Variants in HS2ST1 observed in about 807,000 individuals in gnomAD.
HS2ST1 encodes heparan sulfate 2-O-sulfotransferase 1.
A neutral mutation model predicts 42.9 loss-of-function variants in HS2ST1; 18 were observed. That is an observed-to-expected ratio of 0.42 (90% CI 0.29 to 0.62). The LOEUF (loss-of-function observed/expected upper bound fraction) is 0.62, where lower values mean the gene tolerates loss of function less well. Among genes scored for constraint, HS2ST1 ranks in the 20% least tolerant of loss-of-function variants. The pLI is 0.21. For synonymous variants in HS2ST1, 146 were observed against 152.9 expected, an observed-to-expected ratio of 0.95 and a Z score of 0.33; for missense variants, 334 against 433.8, an observed-to-expected ratio of 0.77 and a Z score of 2.04.
intron 1 of HS2ST1, among the ~76,000 whole-genome samples, chr1:86,961,653 T>G (rs953456870): frequency 2.0e-5 from 3 of 152,196 alleles, no homozygotes; most frequent in African/African-American, 7.2e-5. Context: ...TGTACTTTTC[T>G]GTGTTATTTA....
At chr1:86,956,045 T>G (rs1275406081) in intron 1 of HS2ST1, among the ~76,000 whole-genome samples, 1 of 152,202 alleles carries the variant, frequency 6.6e-6, no homozygotes, top group Admixed American at 6.5e-5. Context: ...GTAAATAAAA[T>G]AGCTAAATAG....
At chr1:86,961,058 A>G (rs989018720) in intron 1 of HS2ST1, among the ~76,000 whole-genome samples, 4 of 152,138 alleles carry the variant, frequency 2.6e-5, no homozygotes, top group Admixed American at 2.0e-4. Context: ...AAACTGTGGT[A>G]CATCCAGACG....
intron 1 of HS2ST1, among the ~76,000 whole-genome samples, chr1:87,063,752 C>T (rs542122685): frequency 1.6e-4 from 25 of 152,168 alleles, no homozygotes; most frequent in Non-Finnish European, 2.2e-4. Flanking sequence ...TTTATCGTGG[C>T]TGCTTTAAGT....
intron 1 of HS2ST1, among the ~76,000 whole-genome samples, chr1:87,058,466 T>C (rs1204292269): frequency 6.6e-6 from 1 of 151,690 alleles, no homozygotes; most frequent in African/African-American, 2.4e-5. Context: ...TTTTTTAAGT[T>C]TTTTATGTGG....
At position 86,914,762 on chromosome 1, in the gene HS2ST1, G is replaced by C. The variant is rs1296964134; in HGVS notation, c.-275G>C. 2 of 485,048 alleles carry C rather than the reference G, an allele frequency of 4.1e-6. No individual in the cohort carries two copies. Among genetic ancestry groups the C allele is most frequent in the South Asian group, 4.5e-5 (2 of 44,834 alleles). The allele number at this position is 485,048 out of a possible 1,614,324, so 30.0% of individuals were successfully genotyped here. The stretch of plus-strand genomic sequence containing the variant: ...ACTGAGGCAGTAGAGGGAGGCGAGA[G>C]CCCGGCAGCCGCTTCGCGCTGTTTG... On this transcript the variant is annotated 5_prime_UTR_variant, in exon 1 of 7. Transcript: ENST00000370550.
intron 1 of HS2ST1, among the ~76,000 whole-genome samples, chr1:86,927,836 G>T (rs1264413395): frequency 6.6e-6 from 1 of 152,122 alleles, no homozygotes; most frequent in African/African-American, 2.4e-5. Flanking sequence ...ATAAGCTTCT[G>T]CTATGTAGTC....
chr1:87,059,314 A>G (rs190287531), intron 1 of HS2ST1, among the ~76,000 whole-genome samples: 2 of 152,336 alleles, frequency 1.3e-5, no homozygotes, highest in African/African-American at 4.8e-5. Context: ...CTTGAAAGCC[A>G]GCTCTGTCCT....
At chr1:86,919,084 G>T (rs994179396) in intron 1 of HS2ST1, among the ~76,000 whole-genome samples, 1 of 151,636 alleles carries the variant, frequency 6.6e-6, no homozygotes, top group African/African-American at 2.4e-5. Context: ...AGCGGGGATT[G>T]CAGGTACGTG....
chr1:87,041,208 C>T (rs1051739665), intron 1 of HS2ST1, among the ~76,000 whole-genome samples: 2 of 110,230 alleles, frequency 1.8e-5, no homozygotes, highest in Admixed American at 2.3e-4. Flanking sequence ...GGAAAAATAG[C>T]GAGACCTTGT....
chr1:87,055,115 C>T (rs1650927607), intron 1 of HS2ST1, among the ~76,000 whole-genome samples: 1 of 152,124 alleles, frequency 6.6e-6, no homozygotes, highest in South Asian at 2.1e-4. Flanking sequence ...CCATTGTGCC[C>T]TCCCCATCCT....
At chr1:87,014,449 C>A (rs912252200) in intron 1 of HS2ST1, among the ~76,000 whole-genome samples, 4 of 152,216 alleles carry the variant, frequency 2.6e-5, no homozygotes, top group African/African-American at 9.6e-5. Context: ...TCCCATGACA[C>A]ATGGGAATTA....
At chr1:86,990,947 T>C in intron 1 of HS2ST1, among the ~76,000 whole-genome samples, 1 of 148,608 alleles carries the variant, frequency 6.7e-6, no homozygotes, top group Non-Finnish European at 1.5e-5. Flanking sequence ...CCCAAAGTGC[T>C]GGGATTATAG....
chr1:87,009,418 T>C lies in HS2ST1; in HGVS notation c.125-63516T>C, dbSNP rs551694255. ...TGTTATTTATGGTAGTTCCCTGACA[T>C]ACAACTAGCCAGTTAGCCAGTACTA... On this transcript the variant is annotated intron_variant, in intron 1 of 6. Coordinates refer to ENST00000370550, the MANE Select transcript of HS2ST1 (RefSeq NM_012262.4). Among the ~76,000 whole-genome samples, 10 of 152,326 alleles carry C rather than the reference T, an allele frequency of 6.6e-5. No homozygotes were observed. The South Asian group carries it at 1.9e-3, about 28-fold the overall frequency.
At chr1:86,961,141 TAAAAAA>T (rs11284968) in intron 1 of HS2ST1, among the ~76,000 whole-genome samples, 3 of 148,300 alleles carry the variant, frequency 2.0e-5, no homozygotes, top group Non-Finnish European at 3.0e-5. Context: ...GTCTATTTAA[TAAAAAA>T]AAAAAAATCT....
rs575686387 is a variant in HS2ST1, at chr1:86,974,553, A to G, written c.124+59393A>G. Among the ~76,000 whole-genome samples the G allele has an allele frequency of 1.2e-4, 18 of 152,328 alleles. No homozygotes were observed. The South Asian group carries it at 3.7e-3, about 32-fold the overall frequency. Reference sequence around the variant, plus strand: ...CATGGAAACCTCTGATTTATAACCAATCCAAACAGAAGTTTGTGAATAACC... The same window carrying G: ...CATGGAAACCTCTGATTTATAACCAGTCCAAACAGAAGTTTGTGAATAACC... On this transcript the variant is annotated intron_variant, in intron 1 of 6. Coordinates refer to ENST00000370550, the MANE Select transcript of HS2ST1 (RefSeq NM_012262.4).
intron 1 of HS2ST1, among the ~76,000 whole-genome samples, chr1:86,985,110 C>G (rs1285183248): frequency 6.6e-6 from 1 of 151,196 alleles, no homozygotes; most frequent in Non-Finnish European, 1.5e-5. Flanking sequence ...AATCCCAACA[C>G]TTTGGGAGGC....
chr1:86,962,431 C>G (rs1348666326), intron 1 of HS2ST1, among the ~76,000 whole-genome samples: 1 of 152,044 alleles, frequency 6.6e-6, no homozygotes, highest in East Asian at 1.9e-4. Context: ...TAAGCATAAT[C>G]CTTACCCTCA....
At chr1:87,012,845 G>A (rs955790520) in intron 1 of HS2ST1, among the ~76,000 whole-genome samples, 34 of 152,272 alleles carry the variant, frequency 2.2e-4, no homozygotes, top group African/African-American at 8.2e-4. Flanking sequence ...AAAACAAAGG[G>A]GCTACAGGCC....
chr1:86,958,215 A>ACTGGG (rs1411005584), intron 1 of HS2ST1, among the ~76,000 whole-genome samples: 2 of 152,202 alleles, frequency 1.3e-5, no homozygotes, highest in African/African-American at 4.8e-5. Context: ...AAACTTAACT[A>ACTGGG]CTGATAGCCT....
Sources: gnomAD v4.1 joint callset for allele counts (sites outside exome capture counted in the v4.1 genomes callset) on GRCh38, gnomAD v4.1.1 for gene constraint, MANE v1.5 for transcripts, NCBI Gene and HGNC (gene_info 2026-07-23, HGNC 2026-07-21) for gene names.